Variants in TTN observed in about 807,000 individuals in gnomAD.
TTN encodes the protein titin, also known as connectin.
In TTN, 1,525 loss-of-function variants were observed where a neutral mutation model predicts 3,223.0. The ratio of observed to expected loss-of-function variants is 0.47; its 90% CI spans 0.45 to 0.49. The LOEUF is 0.49. Ranked by LOEUF, TTN falls within the 20% of genes least tolerant of loss-of-function variation. TTN has a pLI of 0.00. For synonymous variants in TTN, 14,094 were observed against 15,161.0 expected (o/e 0.93, Z 5.17); for missense variants, 40,786 against 43,424.0 (o/e 0.94, Z 5.40).
chr2:178,561,672 G>T lies in TTN; in HGVS notation c.84460C>A (p.Pro28154Thr), dbSNP rs1703706765. 1.9e-6 allele frequency: 3 copies of T among 1,606,726 alleles called. No homozygotes were observed. Among genetic ancestry groups the T allele is most frequent in the East Asian group, 2.2e-5 (1 of 44,674 alleles). The change falls in exon 326 of 363, where the codon CCC becomes ACC. Residue 28154 changes from proline (P) to threonine (T), a missense_variant. Pro to Thr is a conservative substitution (Grantham distance 38, BLOSUM62 -1). Coordinates refer to ENST00000589042, the MANE Select transcript of TTN (RefSeq NM_001267550.2). Reference protein sequence around the residue: ...SAVVAEYPFSPPGPPGTPKVV... With the variant: ...SAVVAEYPFSTPGPPGTPKVV... The stretch of plus-strand genomic sequence containing the variant: ...TTAGGAGTACCAGGAGGACCTGGGG[G>T]ACTGAATGGATACTCTGCAACAACA...
At position 178,714,006 on chromosome 2, in the gene TTN, T is replaced by C. The variant is rs746179492; in HGVS notation, c.26652A>G (p.Val8884=). 5 of 1,613,518 alleles carry C rather than the reference T, an allele frequency of 3.1e-6. No individual in the cohort carries two copies. In the African/African-American group the frequency reaches 4.0e-5, roughly 13 times the overall value. The change falls in exon 92 of 363, where the codon GTA becomes GTG. Residue 8884 remains valine (V), a synonymous_variant. Transcript: ENST00000589042. ...CTACATTGATGATCTTAAGGCCGGA[T>C]ACTTTGTTGAAGAAGCTTATTTTGT... ...NKYKISFFNK[V]SGLKIINVAP...
Position 178,545,817 on chromosome 2 carries a change from TACTG to T in TTN, c.95415_95416+2del, listed in dbSNP as rs769407533. ...CAAATTATTTAAAAGTGTTAATACT[TACTG>T]AATGAGTTTCTGGCTACAATTGGCT... On this transcript the variant is annotated splice_donor_variant and coding_sequence_variant, in exon 343 of 363. Transcript: ENST00000589042. LOFTEE classifies it high-confidence loss of function. The T allele has an allele frequency of 7.4e-6, 12 of 1,612,694 alleles. No individual in the cohort carries two copies. Among genetic ancestry groups the T allele is most frequent in the Non-Finnish European group, 1.0e-5 (12 of 1,178,884 alleles).
Position 178,715,711 on chromosome 2 carries a change from C to A in TTN, c.25703G>T (p.Arg8568Met). The A allele has an allele frequency of 6.2e-7, 1 of 1,604,740 alleles. No individual in the cohort carries two copies. The highest frequency in any genetic ancestry group is 2.2e-5 in the East Asian group (1 of 44,522). ...SRIVKQDEFT[R>M]YECKIGGSPE... ...AGACCCACCGATTTTGCATTCATAC[C>A]TTGTGAATTCATCCTGTTTCACAAT... The change falls in exon 89 of 363, where the codon AGG (arginine) becomes ATG (methionine). Residue 8568 changes from arginine to methionine, a missense_variant. Physicochemically the swap from Arg to Met is moderately conservative, Grantham distance 91 (BLOSUM62 -1). Coordinates refer to ENST00000589042, the MANE Select transcript of TTN (RefSeq NM_001267550.2).
intron 47 of TTN, chr2:178,750,241 C>T: frequency 1.2e-6 from 2 of 1,613,188 alleles, no homozygotes; most frequent in African/African-American, 1.3e-5. Flanking sequence ...CTTCCTCATC[C>T]AAGTAGTCAT....
rs1182693405 is a variant in TTN at position 178,647,058 on chromosome 2, A to G, written c.40222+6T>C. 33 of 1,083,860 alleles carry G rather than the reference A, an allele frequency of 3.0e-5. No individual in the cohort carries two copies. Among genetic ancestry groups the G allele is most frequent in the Non-Finnish European group, 3.8e-5 (31 of 807,544 alleles). The allele number at this position is 1,083,860 out of a possible 1,614,324, so 67.1% of individuals were successfully genotyped here. A position where few individuals can be genotyped will look rare whatever the true frequency, so the allele number is the denominator to read the frequency against. Reference sequence around the variant, plus strand: ...AAAAAATGTATATATATATATATATATATACCTTCAACAGGGGGAGTCTCT... The same window carrying G: ...AAAAAATGTATATATATATATATATGTATACCTTCAACAGGGGGAGTCTCT... On this transcript the variant is annotated splice_donor_region_variant and intron_variant, in intron 215 of 362. Transcript: ENST00000589042.
Position 178,677,303 on chromosome 2 carries a change from T to G in TTN, c.34292-16A>C. The G allele has an allele frequency of 8.6e-7, 1 of 1,167,292 alleles. No individual in the cohort carries two copies. 72.3% of individuals were successfully genotyped at this position (1,167,292 alleles called of 1,614,324 possible). A position where few individuals can be genotyped will look rare whatever the true frequency, so the allele number is the denominator to read the frequency against. ...ACTTCAGGCACTTAAAAACATTTCATTTGAAGGCATTAAAAACCACATATA... is the reference window on the plus strand; with the variant it reads ...ACTTCAGGCACTTAAAAACATTTCAGTTGAAGGCATTAAAAACCACATATA... On this transcript the variant is annotated splice_polypyrimidine_tract_variant and intron_variant, in intron 146 of 362. Coordinates refer to ENST00000589042, the MANE Select transcript of TTN (RefSeq NM_001267550.2).
In TTN at chr2:178,609,861, C is replaced by A. The variant is rs1324072715; in HGVS notation, c.51562G>T (p.Ala17188Ser). 1 of 1,613,032 alleles carries A rather than the reference C, an allele frequency of 6.2e-7. No individual in the cohort carries two copies. The highest frequency in any genetic ancestry group is 1.1e-5 in the South Asian group (1 of 91,048). The part of the protein sequence containing the change: ...KIMGYIIEKI[A>S]KGEERWKRCN... ...CTCTTCCACCTTTCTTCACCCTTAGCAATCTTCTCTATGATGTAGCCCATT... is the reference window on the plus strand; with the variant it reads ...CTCTTCCACCTTTCTTCACCCTTAGAAATCTTCTCTATGATGTAGCCCATT... Residue 17188 changes from alanine (A) to serine (S), a missense_variant, in exon 272 of 363, where the codon GCT (alanine) becomes TCT (serine). Ala to Ser is a moderately conservative substitution (Grantham distance 99). Coordinates refer to ENST00000589042, the MANE Select transcript of TTN (RefSeq NM_001267550.2).
At position 178,709,649 on chromosome 2, in the gene TTN, C is replaced by T; in HGVS notation, c.28670G>A (p.Gly9557Asp). 1 of 1,613,876 alleles carries T rather than the reference C, an allele frequency of 6.2e-7. No homozygotes were observed. The highest frequency in any genetic ancestry group is 8.5e-7 in the Non-Finnish European group (1 of 1,179,796). Residue 9557 changes from glycine (G) to aspartate (D), a missense_variant, in exon 99 of 363, where the codon GGC (glycine) becomes GAC (aspartate). Physicochemically the swap from Gly to Asp is moderately conservative, Grantham distance 94 (BLOSUM62 -1). Coordinates refer to ENST00000589042, the MANE Select transcript of TTN (RefSeq NM_001267550.2). ...NTLVLQVRKAGMNDAGLYTCK... is the reference protein window; with the variant it reads ...NTLVLQVRKADMNDAGLYTCK... Reference sequence around the variant, plus strand: ...TGTGTACAAACCAGCGTCGTTCATGCCTGCTTTCCTGACTTGCAGCACTAA... The same window carrying T: ...TGTGTACAAACCAGCGTCGTTCATGTCTGCTTTCCTGACTTGCAGCACTAA...
intron 69 of TTN, 168 bp downstream of exon 69, chr2:178,726,922 G>T: frequency 1.6e-6 from 1 of 628,384 alleles, no homozygotes; most frequent in Non-Finnish European, 2.3e-6. Flanking sequence ...TTACATGTAA[G>T]CAAAATTCAA....
intron 146 of TTN, 29 bp downstream of exon 146, chr2:178,677,592 C>T: frequency 1.3e-6 from 2 of 1,578,994 alleles, no homozygotes; most frequent in East Asian, 2.2e-5. Context: ...CAAAAGAGGC[C>T]TTGATGATTC....
At chr2:178,747,425 G>A (rs867476348) in intron 47 of TTN, 1 of 1,613,354 alleles carries the variant, frequency 6.2e-7, no homozygotes, top group Non-Finnish European at 8.5e-7. Flanking sequence ...TTCAACAGAT[G>A]ATGGTGGGGT....
rs1394892060 is a variant in TTN, at chr2:178,531,214, T to A, written c.105401A>T (p.Lys35134Met). Residue 35134 changes from lysine to methionine, a missense_variant, in exon 358 of 363, where the codon AAG becomes ATG. Lys to Met is a moderately conservative substitution (Grantham distance 95). Transcript: ENST00000589042. ...CTCGTAGACGGTCATGGACCGTGGC[T>A]TTGTTAGAATTCTTGCTGCCAAAGT... ...KTTLAARILT[K>M]PRSMTVYEGE... 1.9e-6 allele frequency: 3 copies of A among 1,613,852 alleles called. No individual in the cohort carries two copies. In the African/African-American group the frequency reaches 4.0e-5, roughly 22 times the overall value.
chr2:178,767,971 G>A (rs775725481), intron 39 of TTN, 43 bp downstream of exon 39: 1 of 1,614,070 alleles, frequency 6.2e-7, no homozygotes, highest in Non-Finnish European at 8.5e-7. Context: ...TGATTCAGAG[G>A]AAACTGGGAA....
Position 178,632,496 on chromosome 2 carries a change from T to TG in TTN, c.43480+29dup, listed in dbSNP as rs575662518. ...AAACTAAAGGCAAAAAAAATGATTT[T>TG]GGGGTGGACTATTTGATAAAACTAT... On this transcript the variant is annotated intron_variant, in intron 235 of 362. Coordinates refer to ENST00000589042, the MANE Select transcript of TTN (RefSeq NM_001267550.2). The TG allele has an allele frequency of 2.7e-4, 428 of 1,599,700 alleles. 6 individuals are homozygous for TG. In the South Asian group the frequency reaches 4.8e-3, roughly 18 times the overall value.
intron 12 of TTN, 53 bp downstream of exon 12, chr2:178,789,925 A>G: frequency 6.2e-7 from 1 of 1,607,308 alleles, no homozygotes; most frequent in Non-Finnish European, 8.5e-7. Context: ...TTAATAGTTT[A>G]CTAGAAATTA....
intron 161 of TTN, 36 bp from the exon 162 acceptor site, chr2:178,667,355 G>T: frequency 6.4e-7 from 1 of 1,570,098 alleles, no homozygotes; most frequent in Admixed American, 1.8e-5. Context: ...TTTAAAAGTT[G>T]TAAAAACAGT....
intron 157 of TTN, 39 bp from the exon 158 acceptor site, chr2:178,669,714 T>C: frequency 3.1e-6 from 5 of 1,596,768 alleles, no homozygotes; most frequent in Non-Finnish European, 4.3e-6. Context: ...TTCAGAACAT[T>C]ATAGTTGGGT....
intron 44 of TTN, among the ~76,000 whole-genome samples, chr2:178,758,454 C>T (rs1387528702): frequency 6.6e-6 from 1 of 152,046 alleles, no homozygotes; most frequent in African/African-American, 2.4e-5. Flanking sequence ...ATTTAAGAGC[C>T]CCAACTAACA....
Position 178,763,562 on chromosome 2 carries a change from G to A in TTN, c.10114+615C>T, listed in dbSNP as rs192058560. On this transcript the variant is annotated intron_variant, in intron 43 of 362. Transcript: ENST00000589042. ...GATGCCAAATTCTAGGCACTAAAAC[G>A]GAATTCCTAGCCTCATAAAATATAT... Among the ~76,000 whole-genome samples, 8 of 152,170 alleles carry A rather than the reference G, an allele frequency of 5.3e-5. No individual in the cohort carries two copies. The East Asian group carries it at 9.7e-4, about 18-fold the overall frequency.
Sources: allele counts gnomAD v4.1 joint callset (sites outside exome capture counted in the v4.1 genomes callset), GRCh38; gene constraint gnomAD v4.1.1; transcripts MANE v1.5; gene names NCBI Gene and HGNC (gene_info 2026-07-23, HGNC 2026-07-21).